The following ANKRD26 variants were observed in gnomAD, a reference collection of about 807,000 sequenced individuals.
ANKRD26 encodes the protein ankyrin repeat domain-containing protein 26.
ANKRD26 carries 141 observed loss-of-function variants against 208.7 expected under a neutral mutation model. The ratio of observed to expected loss-of-function variants is 0.68; its 90% CI spans 0.59 to 0.78. The LOEUF (loss-of-function observed/expected upper bound fraction) is 0.78. ANKRD26 is among the 30% of genes least tolerant of loss of function. The pLI is 0.00. For missense variants in ANKRD26, 1,889 were observed against 1,938.7 expected (o/e 0.97, Z 0.48); for synonymous variants, 636 against 660.4 (o/e 0.96, Z 0.57).
At chr10:26,971,693 A>C (rs2052145213), downstream of ANKRD26, among the ~76,000 whole-genome samples, 1 of 151,150 alleles carries the variant, frequency 6.6e-6, no homozygotes, top group African/African-American at 2.4e-5. Flanking sequence ...AAAAAAAAAA[A>C]GAAAACATAA....
intron 3 of ANKRD26, among the ~76,000 whole-genome samples, chr10:26,985,162 G>A (rs1250983932): frequency 6.6e-6 from 1 of 152,094 alleles, no homozygotes; most frequent in African/African-American, 2.4e-5. Flanking sequence ...CTATCAAGCT[G>A]CCATACCTCA....
Position 27,043,486 on chromosome 10 carries a change from G to A in ANKRD26, c.2101C>T (p.Pro701Ser). The part of the protein sequence containing the change: ...SETASEDCEL[P>S]HSSYKNFMLL... Reference sequence around the variant, plus strand: ...ATAAAATTCTTGTAACTAGAGTGGGGTAGCTCACAATCCTCTGAGGCTGTT... The same window carrying A: ...ATAAAATTCTTGTAACTAGAGTGGGATAGCTCACAATCCTCTGAGGCTGTT... The change falls in exon 20 of 34, where the codon CCC becomes TCC. Residue 701 changes from proline (P) to serine (S), a missense_variant. Around this residue, in one of 3 missense-constraint regions of ANKRD26, gnomAD observed 1,272 missense variants for 1,273.8 expected, o/e 1.00. Coordinates refer to ENST00000376087, the MANE Select transcript of ANKRD26 (RefSeq NM_014915.3). 2.5e-6 allele frequency: 4 copies of A among 1,613,948 alleles called. No individual in the cohort carries two copies. The highest frequency in any genetic ancestry group is 3.4e-6 in the Non-Finnish European group (4 of 1,179,914).
intron 9 of ANKRD26, among the ~76,000 whole-genome samples, chr10:27,073,776 T>C (rs911728897): frequency 1.3e-5 from 2 of 152,204 alleles, no homozygotes; most frequent in East Asian, 3.9e-4. Flanking sequence ...CACTGGAGAA[T>C]GAGATAAGAT....
chr10:27,035,384 T>C lies in ANKRD26; in HGVS notation c.3066A>G (p.Gln1022=), dbSNP rs760268913. Residue 1022 remains glutamine, a synonymous_variant, in exon 24 of 34, where the codon CAA becomes CAG. Coordinates refer to ENST00000376087, the MANE Select transcript of ANKRD26 (RefSeq NM_014915.3). The part of the protein sequence containing the change: ...RLAAAIHDRD[Q]SETSKRELEL... ...CTAGTTCTCTTTTTGATGTCTCACT[T>C]TGATCACGATCATGTATAGCAGCAG... The C allele has an allele frequency of 6.2e-7, 1 of 1,613,996 alleles. No homozygotes were observed. The highest frequency in any genetic ancestry group is 1.1e-5 in the South Asian group (1 of 91,078).
downstream of ANKRD26, among the ~76,000 whole-genome samples, chr10:26,999,454 A>G (rs1192041190): frequency 6.6e-6 from 1 of 152,086 alleles, no homozygotes; most frequent in Non-Finnish European, 1.5e-5. Context: ...TTGTGGACCT[A>G]GCTTTCCAGG....
the ANKRD26 span, among the ~76,000 whole-genome samples, chr10:26,963,901 TGG>T: frequency 4.5e-5 from 6 of 132,808 alleles, no homozygotes; most frequent in South Asian, 2.3e-4. Context: ...GATGGTTGGT[TGG>T]TTTTTTTTTT....
intron 18 of ANKRD26, among the ~76,000 whole-genome samples, chr10:27,044,676 A>G (rs2054379811): frequency 6.6e-6 from 1 of 152,200 alleles, no homozygotes. Flanking sequence ...TGCAGGTACT[A>G]TGCATTATCC....
At chr10:27,036,522 C>A (rs978798748) in intron 23 of ANKRD26, among the ~76,000 whole-genome samples, 6 of 151,996 alleles carry the variant, frequency 3.9e-5, no homozygotes, top group African/African-American at 1.4e-4. Context: ...TGGAAAATCA[C>A]GAGATTATTT....
At chr10:26,960,234 C>T in the ANKRD26 span, among the ~76,000 whole-genome samples, 1 of 152,136 alleles carries the variant, frequency 6.6e-6, no homozygotes, top group Non-Finnish European at 1.5e-5. Flanking sequence ...AAGAAGGTGG[C>T]AGAAATGACC....
intron 9 of ANKRD26, among the ~76,000 whole-genome samples, chr10:27,071,130 TA>T (rs1433161821): frequency 6.6e-6 from 1 of 151,462 alleles, no homozygotes; most frequent in Non-Finnish European, 1.5e-5. Context: ...TAAATCAGAA[TA>T]TTGCAGAAAT....
In ANKRD26 at chr10:27,004,618, C is replaced by T. The variant is rs2052807469; in HGVS notation, c.*972G>A. 2 of 152,138 alleles carry T rather than the reference C, an allele frequency of 1.3e-5. No individual in the cohort carries two copies. Among genetic ancestry groups the T allele is most frequent in the South Asian group, 4.1e-4 (2 of 4,826 alleles). The allele number at this position is 152,138 out of a possible 1,614,324, so 9.4% of individuals were successfully genotyped here. A position where few individuals can be genotyped will look rare whatever the true frequency, so the allele number is the denominator to read the frequency against. On this transcript the variant is annotated 3_prime_UTR_variant, in exon 34 of 34. Transcript: ENST00000376087. ...AGATGCAATGAGAAGATCACTGGGT[C>T]ACTTCTGTGATACTCCTGCCAAAAA...
rs1457527369 is a variant in ANKRD26 at position 27,014,716 on chromosome 10, A to T, written c.4507-5T>A. The stretch of plus-strand genomic sequence containing the variant: ...TTCTTGAGATGCTGCTTGTGCCTAA[A>T]ACAAATTAAAAGCATATGTTTTAAA... On this transcript the variant is annotated splice_region_variant and splice_polypyrimidine_tract_variant and intron_variant, in intron 30 of 33. Coordinates refer to ENST00000376087, the MANE Select transcript of ANKRD26 (RefSeq NM_014915.3). 6.2e-6 allele frequency: 10 copies of T among 1,607,864 alleles called. No homozygotes were observed. The East Asian group carries it at 2.2e-4, about 36-fold the overall frequency.
At chr10:27,030,443 G>T (rs1200329866) in intron 25 of ANKRD26, 2 of 985,384 alleles carry the variant, frequency 2.0e-6, no homozygotes, top group Non-Finnish European at 2.4e-6. Flanking sequence ...TGCGAAACAA[G>T]GTTCCCAAAT....
At chr10:27,011,499 A>G (rs2134879801) in intron 32 of ANKRD26, among the ~76,000 whole-genome samples, 1 of 148,124 alleles carries the variant, frequency 6.8e-6, no homozygotes, top group East Asian at 1.9e-4. Context: ...TGGATCAAGC[A>G]TAGTTGATTT....
chr10:26,949,885 T>A, the ANKRD26 span, among the ~76,000 whole-genome samples: 1 of 152,236 alleles, frequency 6.6e-6, no homozygotes, highest in Non-Finnish European at 1.5e-5. Context: ...TCCTTTGATA[T>A]CTTTGAGTTT....
At chr10:27,023,649 C>T (rs548076429) in intron 28 of ANKRD26, among the ~76,000 whole-genome samples, 7 of 151,920 alleles carry the variant, frequency 4.6e-5, no homozygotes, top group Non-Finnish European at 1.0e-4. Context: ...ACTAGCACAA[C>T]GTTAACAAAG....
At chr10:27,016,419 T>G (rs1423318153) in intron 30 of ANKRD26, among the ~76,000 whole-genome samples, 1 of 152,150 alleles carries the variant, frequency 6.6e-6, no homozygotes, top group African/African-American at 2.4e-5. Flanking sequence ...ACTACAGGCA[T>G]GTGCCACCAC....
chr10:26,953,919 G>A, the ANKRD26 span, among the ~76,000 whole-genome samples: 6 of 152,216 alleles, frequency 3.9e-5, no homozygotes, highest in Non-Finnish European at 8.8e-5. Context: ...CTAATGGAAC[G>A]TGATATGCTG....
intron 5 of ANKRD26, chr10:26,992,119 G>A (rs554202778): frequency 6.6e-6 from 1 of 152,280 alleles, no homozygotes; most frequent in African/African-American, 2.4e-5. Context: ...TTGTGAGGGA[G>A]GTATGTAACT....
Sources: allele counts gnomAD v4.1 joint callset (sites outside exome capture counted in the v4.1 genomes callset), GRCh38; gene constraint gnomAD v4.1.1; regional missense constraint gnomAD v4.1.1; transcripts MANE v1.5; gene names NCBI Gene and HGNC (gene_info 2026-07-23, HGNC 2026-07-21).